The following ZBTB8A variants were observed in gnomAD, a reference collection of about 807,000 sequenced individuals.
The protein encoded by ZBTB8A is zinc finger and BTB domain-containing protein 8A.
ZBTB8A carries 19 observed loss-of-function variants against 37.8 expected under a neutral mutation model. That is an observed-to-expected ratio of 0.50 (90% confidence interval 0.35 to 0.74). ZBTB8A has a LOEUF of 0.74. Among genes scored for constraint, ZBTB8A ranks in the 30% least tolerant of loss-of-function variants. The probability of loss-of-function intolerance (pLI) is 0.01; values close to 1 mark genes in which losing one functional copy is unlikely to be tolerated. For missense variants in ZBTB8A, 394 were observed against 537.8 expected, an observed-to-expected ratio of 0.73 and a Z score of 2.65; for synonymous variants, 181 against 185.2, an observed-to-expected ratio of 0.98 and a Z score of 0.19.
At chr1:32,547,626 CAAAA>C (rs745418265) in intron 1 of ZBTB8A, among the ~76,000 whole-genome samples, 1 of 98,962 alleles carries the variant, frequency 1.0e-5, no homozygotes, top group African/African-American at 3.8e-5. Context: ...GTCTGTATCT[CAAAA>C]AAAAAAAAAA....
intron 2 of ZBTB8A, among the ~76,000 whole-genome samples, chr1:32,558,041 T>C (rs747801266): frequency 1.5e-4 from 23 of 152,202 alleles, no homozygotes; most frequent in Non-Finnish European, 3.4e-4. Context: ...CTTGTGTCTT[T>C]CTTGTATATA....
intron 4 of ZBTB8A, among the ~76,000 whole-genome samples, chr1:32,595,699 G>A (rs1193065982): frequency 6.6e-6 from 1 of 151,260 alleles, no homozygotes; most frequent in African/African-American, 2.4e-5. Flanking sequence ...GCCCAAGCTG[G>A]AGTGCAGTGG....
At chr1:32,599,150 GT>G (rs1420111700) in intron 4 of ZBTB8A, among the ~76,000 whole-genome samples, 1 of 151,586 alleles carries the variant, frequency 6.6e-6, no homozygotes, top group African/African-American at 2.4e-5. Flanking sequence ...TCTTTCTCTA[GT>G]AAAATAACAA....
chr1:32,600,226 C>G lies in ZBTB8A; in HGVS notation c.1133C>G (p.Pro378Arg). 6.2e-7 allele frequency: 1 copy of G among 1,614,068 alleles called. No individual in the cohort carries two copies. The highest frequency in any genetic ancestry group is 8.5e-7 in the Non-Finnish European group (1 of 1,180,000). ...CLAEFGIDSL[P>R]IDLEAEQHLM... is the part of the protein sequence containing the mutation. Reference sequence around the variant, plus strand: ...GCAGAATTTGGCATAGACAGCCTCCCCATTGACTTGGAAGCTGAACAACAT... The same window carrying G: ...GCAGAATTTGGCATAGACAGCCTCCGCATTGACTTGGAAGCTGAACAACAT... Residue 378 changes from proline to arginine, a missense_variant, in exon 5 of 5, where the codon CCC becomes CGC. Physicochemically the swap from Pro to Arg is moderately radical, Grantham distance 103. Coordinates refer to ENST00000373510, the MANE Select transcript of ZBTB8A (RefSeq NM_001040441.3).
chr1:32,539,708 C>T (rs1176737947), intron 1 of ZBTB8A, 136 bp downstream of exon 1: 1 of 147,316 alleles, frequency 6.8e-6, no homozygotes, highest in African/African-American at 2.4e-5. Context: ...CGCGCCTCCC[C>T]CAGACGTCCC....
intron 1 of ZBTB8A, among the ~76,000 whole-genome samples, chr1:32,542,193 A>G (rs936182953): frequency 1.3e-5 from 2 of 152,192 alleles, no homozygotes; most frequent in African/African-American, 4.8e-5. Context: ...GCAGGCTAAC[A>G]AGATTAGTTT....
rs1170570389 is a variant in ZBTB8A at position 32,593,838 on chromosome 1, A to C, written c.823+84A>C. The C allele has an allele frequency of 5.7e-6, 6 of 1,060,800 alleles. No individual in the cohort carries two copies. In the East Asian group the frequency reaches 1.2e-4, roughly 21 times the overall value. The allele number at this position is 1,060,800 out of a possible 1,614,324, so 65.7% of individuals were successfully genotyped here. A position where few individuals can be genotyped will look rare whatever the true frequency, so the allele number is the denominator to read the frequency against. ...CTACTGTCAAAACACCCTTAGTTTC[A>C]GGTGCTCTAAGCAGTTGAAGCAAGT... On this transcript the variant is annotated intron_variant, in intron 3 of 4. Coordinates refer to ENST00000373510, the MANE Select transcript of ZBTB8A (RefSeq NM_001040441.3).
intron 1 of ZBTB8A, among the ~76,000 whole-genome samples, chr1:32,540,164 A>G (rs1000149330): frequency 1.3e-5 from 2 of 151,926 alleles, no homozygotes; most frequent in Non-Finnish European, 2.9e-5. Context: ...GCTCCCAACT[A>G]TTTGCTTCTG....
chr1:32,556,060 A>C (rs1644199381), intron 2 of ZBTB8A, among the ~76,000 whole-genome samples: 1 of 149,380 alleles, frequency 6.7e-6, no homozygotes, highest in Non-Finnish European at 1.5e-5. Context: ...AGGCACATGC[A>C]ATTTTTTATT....
chr1:32,588,655 T>C (rs1376123276), intron 2 of ZBTB8A, among the ~76,000 whole-genome samples: 10 of 151,972 alleles, frequency 6.6e-5, no homozygotes, highest in Non-Finnish European at 2.9e-5. Flanking sequence ...GAAATTATCA[T>C]TGGATTTGAC....
At chr1:32,544,289 A>G (rs1644083690) in intron 1 of ZBTB8A, among the ~76,000 whole-genome samples, 1 of 152,266 alleles carries the variant, frequency 6.6e-6, no homozygotes. Context: ...GATATAGCCT[A>G]CTACACGCCT....
intron 1 of ZBTB8A, among the ~76,000 whole-genome samples, chr1:32,543,074 A>AT (rs949235178): frequency 1.9e-4 from 28 of 148,786 alleles, no homozygotes; most frequent in African/African-American, 3.2e-4. Context: ...GACAATTCCT[A>AT]TTTTTTTTTT....
At position 32,600,126 on chromosome 1, in the gene ZBTB8A, C is replaced by T. The variant is rs746978891; in HGVS notation, c.1033C>T (p.Arg345Cys). The T allele has an allele frequency of 3.7e-6, 6 of 1,613,766 alleles. No individual in the cohort carries two copies. The highest frequency in any genetic ancestry group is 2.2e-5 in the East Asian group (1 of 44,890). ...ACKLICRKCK[R>C]HVTDLTGQVV... The stretch of plus-strand genomic sequence containing the variant: ...TAAACTCATCTGCAGAAAATGTAAA[C>T]GTCATGTGACAGATCTAACAGGGCA... The change falls in exon 5 of 5, where the codon CGT (arginine) becomes TGT (cysteine). Residue 345 changes from arginine to cysteine, a missense_variant. Around this residue, in one of 4 missense-constraint regions of ZBTB8A, gnomAD observed 42 missense variants for 96.4 expected, o/e 0.44. Transcript: ENST00000373510.
intron 1 of ZBTB8A, among the ~76,000 whole-genome samples, chr1:32,541,319 C>T (rs955818388): frequency 6.6e-6 from 1 of 152,134 alleles, no homozygotes; most frequent in African/African-American, 2.4e-5. Context: ...CTTTCTGACT[C>T]CATATCCCAT....
chr1:32,568,681 C>T (rs766062729), intron 2 of ZBTB8A, among the ~76,000 whole-genome samples: 60 of 152,188 alleles, frequency 3.9e-4, no homozygotes, highest in Non-Finnish European at 7.4e-4. Context: ...CCACTGCGCC[C>T]GGCCCTGCCT....
In ZBTB8A at chr1:32,601,396, C is replaced by T. The variant is rs1293624484; in HGVS notation, c.*977C>T. ...GGCTGAGGCAGGAGAATCGATTGAA[C>T]CTGGAAGGCAGAAGTTGCAGTGAGC... On this transcript the variant is annotated 3_prime_UTR_variant, in exon 5 of 5. Coordinates refer to ENST00000373510, the MANE Select transcript of ZBTB8A (RefSeq NM_001040441.3). The T allele has an allele frequency of 1.8e-5, 6 of 328,376 alleles. No individual in the cohort carries two copies. The highest frequency in any genetic ancestry group is 1.3e-4 in the African/African-American group (6 of 46,846). 20.3% of individuals were successfully genotyped at this position (328,376 alleles called of 1,614,324 possible). A position where few individuals can be genotyped will look rare whatever the true frequency, so the allele number is the denominator to read the frequency against.
intron 2 of ZBTB8A, among the ~76,000 whole-genome samples, chr1:32,568,948 T>G (rs1289572183): frequency 6.6e-6 from 1 of 152,214 alleles, no homozygotes; most frequent in East Asian, 1.9e-4. Flanking sequence ...AATTTTTTTG[T>G]AGTCATGTGT....
intron 1 of ZBTB8A, among the ~76,000 whole-genome samples, chr1:32,545,767 C>A (rs1226076124): frequency 6.6e-6 from 1 of 152,166 alleles, no homozygotes; most frequent in Non-Finnish European, 1.5e-5. Context: ...GGCTAGAACG[C>A]CTTTTGCCCT....
rs140569565 is a variant in ZBTB8A at position 32,545,051 on chromosome 1, A to T, written c.-84+5479A>T. ...AATTGCTGGGTCATATGATAACTCC[A>T]TGTTTAATCATTTGAGGAACTCCCA... On this transcript the variant is annotated intron_variant, in intron 1 of 4. Transcript: ENST00000373510. Among the ~76,000 whole-genome samples the T allele has an allele frequency of 2.7e-3, 405 of 152,278 alleles. 3 individuals carry two copies. Among genetic ancestry groups the T allele is most frequent in the African/African-American group, 9.2e-3 (383 of 41,554 alleles).
Sources: allele counts gnomAD v4.1 joint callset (sites outside exome capture counted in the v4.1 genomes callset), GRCh38; gene constraint gnomAD v4.1.1; regional missense constraint gnomAD v4.1.1; transcripts MANE v1.5; gene names NCBI Gene and HGNC (gene_info 2026-07-23, HGNC 2026-07-21).